HSPG2: variants seen among roughly 807,000 people sequenced by gnomAD.
HSPG2 encodes basement membrane-specific heparan sulfate proteoglycan core protein.
A neutral mutation model predicts 526.6 loss-of-function variants in HSPG2; 278 were observed. The observed-to-expected ratio is 0.53, with a 90% CI of 0.48 to 0.58. HSPG2 has a LOEUF of 0.58. HSPG2 is among the 20% of genes least tolerant of loss of function. The pLI is 0.00. For missense variants in HSPG2, 5,354 were observed against 6,099.5 expected (o/e 0.88, Z 4.07); for synonymous variants, 2,465 against 2,555.4 (o/e 0.96, Z 1.07).
At chr1:21,873,487 C>T in intron 29 of HSPG2, 63 bp from the exon 30 acceptor site, 1 of 1,494,294 alleles carries the variant, frequency 6.7e-7, no homozygotes, top group Non-Finnish European at 9.3e-7. Flanking sequence ...CAGGGCTGGG[C>T]TGAGGGCCCC....
chr1:21,852,360 G>A (rs1156696821), intron 52 of HSPG2, 127 bp from the exon 53 acceptor site: 2 of 1,216,746 alleles, frequency 1.6e-6, no homozygotes, highest in Admixed American at 2.0e-5. Context: ...GCATCTGGGG[G>A]CCTGGACTTG....
At chr1:21,917,189 C>T (rs958163259) in intron 1 of HSPG2, among the ~76,000 whole-genome samples, 39 of 152,072 alleles carry the variant, frequency 2.6e-4, no homozygotes, top group African/African-American at 6.7e-4. Context: ...CCTAGCTCTT[C>T]GGGAGGCTGA....
chr1:21,844,983 C>T (rs868616565), intron 64 of HSPG2, among the ~76,000 whole-genome samples: 18 of 152,324 alleles, frequency 1.2e-4, no homozygotes, highest in Middle Eastern at 3.4e-3. Flanking sequence ...CGCGGTGGCT[C>T]ACGCCTGTAA....
rs371523455 is a variant in HSPG2, at chr1:21,851,668, C to T, written c.7036G>A (p.Glu2346Lys). The change falls in exon 55 of 97, where the codon GAG becomes AAG. Residue 2346 changes from glutamate to lysine, a missense_variant. Glu to Lys is a moderately conservative substitution (Grantham distance 56). Transcript: ENST00000374695. ...TCCGCCACTTGCGAGGAGGAGGGCT[C>T]GATGCGGATGGGCTGGGTGCTGCCG... ...PAGSTQPIRI[E>K]PSSSQVAEGQ... 1.7e-5 allele frequency: 28 copies of T among 1,613,922 alleles called. No homozygotes were observed. Among genetic ancestry groups the T allele is most frequent in the East Asian group, 2.2e-5 (1 of 44,844 alleles).
chr1:21,846,292 G>A (rs377656703), intron 63 of HSPG2, 37 bp from the exon 64 acceptor site: 78 of 1,612,466 alleles, frequency 4.8e-5, no homozygotes, highest in Non-Finnish European at 6.4e-5. Context: ...AGAGTCAGGT[G>A]CCAGTCTGGA....
In HSPG2 at chr1:21,874,901, G is replaced by A. The variant is rs746636903; in HGVS notation, c.3404C>T (p.Pro1135Leu). ...QCSCPPGYRGPSCQDCDTGYT... is the reference protein window; with the variant it reads ...QCSCPPGYRGLSCQDCDTGYT... Reference sequence around the variant, plus strand: ...GGGCCCAGGACTCACCTGGCAGGACGGCCCACGGTACCCGGGTGGGCAGGA... The same window carrying A: ...GGGCCCAGGACTCACCTGGCAGGACAGCCCACGGTACCCGGGTGGGCAGGA... The change falls in exon 26 of 97, where the codon CCG becomes CTG. Residue 1135 changes from proline (P) to leucine (L), a missense_variant. Transcript: ENST00000374695. 2.0e-5 allele frequency: 33 copies of A among 1,611,130 alleles called. No homozygotes were observed. Among genetic ancestry groups the A allele is most frequent in the Admixed American group, 1.7e-4 (10 of 59,822 alleles).
chr1:21,926,020 G>C (rs1644181377), intron 1 of HSPG2, among the ~76,000 whole-genome samples: 1 of 152,012 alleles, frequency 6.6e-6, no homozygotes, highest in Non-Finnish European at 1.5e-5. Context: ...AGTAGAGATG[G>C]GGTTTTACCA....
In HSPG2 at chr1:21,839,829, T is replaced by A. The variant is rs765976580; in HGVS notation, c.9702A>T (p.Ser3234=). ...GCCAGCCCTTGGTCACACCTGTGGC[T>A]GAGCAGCGCAAGGTGGCCGTGTGTC... is the stretch of plus-strand genomic sequence containing the variant. ...EAGHTATLRC[S]ATGSPAPTIH... The change falls in exon 72 of 97, where the codon TCA becomes TCT. Residue 3234 remains serine, a synonymous_variant. Transcript: ENST00000374695. The surrounding 1 kb of genome is among the most constrained non-coding windows in gnomAD (Gnocchi z 4.5). 12 of 1,613,604 alleles carry A rather than the reference T, an allele frequency of 7.4e-6. No individual in the cohort carries two copies. The highest frequency in any genetic ancestry group is 9.3e-6 in the Non-Finnish European group (11 of 1,180,030).
Position 21,864,815 on chromosome 1 carries a change from G to C in HSPG2, c.4626+28C>G, listed in dbSNP as rs777901168. ...TTGCTGATGCCTCTGTGCCTGTGCAGAGGTGGTGGAGCTGGCCACACACTC... is the reference window on the plus strand; with the variant it reads ...TTGCTGATGCCTCTGTGCCTGTGCACAGGTGGTGGAGCTGGCCACACACTC... On this transcript the variant is annotated intron_variant, in intron 36 of 96. Transcript: ENST00000374695. The surrounding 1 kb of genome is among the most constrained non-coding windows in gnomAD (Gnocchi z 4.8). The C allele has an allele frequency of 6.4e-7, 1 of 1,572,650 alleles. No individual in the cohort carries two copies. The highest frequency in any genetic ancestry group is 1.7e-5 in the Admixed American group (1 of 57,972).
Position 21,895,917 on chromosome 1 carries a change from C to T in HSPG2, c.244+5G>A. ...GAGACCTGCAGGAGGCCTGCAGCAA[C>T]TTACCCATCTGGAAGTCCCCGCTGC... On this transcript the variant is annotated splice_donor_5th_base_variant and intron_variant, in intron 3 of 96. Coordinates refer to ENST00000374695, the MANE Select transcript of HSPG2 (RefSeq NM_005529.7). This position sits in a 1 kb window ranked among gnomAD's most constrained non-coding sequence, Gnocchi z 4.1. 1 of 1,614,016 alleles carries T rather than the reference C, an allele frequency of 6.2e-7. No individual in the cohort carries two copies. Among genetic ancestry groups the T allele is most frequent in the Non-Finnish European group, 8.5e-7 (1 of 1,179,926 alleles).
chr1:21,868,989 GT>G, intron 33 of HSPG2: 1 of 304,126 alleles, frequency 3.3e-6, no homozygotes, highest in Non-Finnish European at 4.6e-6. Context: ...AGGGCAGGTG[GT>G]AAGAGCCGAG....
At chr1:21,878,028 C>T (rs893688084) in intron 21 of HSPG2, among the ~76,000 whole-genome samples, 158 bp downstream of exon 21, 6 of 152,256 alleles carry the variant, frequency 3.9e-5, no homozygotes, top group Non-Finnish European at 8.8e-5. Context: ...GGCCACCTGT[C>T]CTGGTACGGA....
At chr1:21,826,026 A>T in intron 91 of HSPG2, among the ~76,000 whole-genome samples, 1 of 151,854 alleles carries the variant, frequency 6.6e-6, no homozygotes, top group East Asian at 1.9e-4. Flanking sequence ...CAGGTGATCC[A>T]CCCACCTTGT....
Position 21,836,862 on chromosome 1 carries a change from C to T in HSPG2, c.10295G>A (p.Arg3432His), listed in dbSNP as rs375978145. ...AVPSDRGTQL[R>H]WFKEGGQLPP... ...CAGCTGACCCCCTTCCTTGAACCAA[C>T]GGAGCTGGGTACCCCGGTCGCTGGG... The change falls in exon 75 of 97, where the codon CGT (arginine) becomes CAT (histidine). Residue 3432 changes from arginine (R) to histidine (H), a missense_variant. Physicochemically the swap from Arg to His is conservative, Grantham distance 29 (BLOSUM62 0). Coordinates refer to ENST00000374695, the MANE Select transcript of HSPG2 (RefSeq NM_005529.7). 15 of 1,581,378 alleles carry T rather than the reference C, an allele frequency of 9.5e-6. No individual in the cohort carries two copies. Among genetic ancestry groups the T allele is most frequent in the Middle Eastern group, 1.7e-4 (1 of 6,028 alleles).
chr1:21,862,072 G>A lies in HSPG2; in HGVS notation c.4784C>T (p.Ala1595Val). 1 of 1,613,976 alleles carries A rather than the reference G, an allele frequency of 6.2e-7. No individual in the cohort carries two copies. ...NAAGEFCELC[A>V]PGYYGDATAG... ...TGTGGCATCTCCGTAGTAGCCAGGG[G>A]CACAAAGCTCGCAGAACTCCCCTGC... The change falls in exon 38 of 97, where the codon GCC (alanine) becomes GTC (valine). Residue 1595 changes from alanine to valine, a missense_variant. Transcript: ENST00000374695.
chr1:21,872,388 A>G lies in HSPG2; in HGVS notation c.4030-11T>C. 6.4e-7 allele frequency: 1 copy of G among 1,557,352 alleles called. No homozygotes were observed. Among genetic ancestry groups the G allele is most frequent in the Non-Finnish European group, 8.7e-7 (1 of 1,148,974 alleles). On this transcript the variant is annotated splice_polypyrimidine_tract_variant and intron_variant, in intron 32 of 96. Transcript: ENST00000374695. The surrounding 1 kb of genome is among the most constrained non-coding windows in gnomAD (Gnocchi z 5.5). ...AAAGTGGGTGGAGATCTGGCAGGGG[A>G]AAAAGGAGGGGGCGTCAGCCTGAGC... is the stretch of plus-strand genomic sequence containing the variant.
At chr1:21,881,617 G>A (rs991820138) in intron 13 of HSPG2, 115 bp from the exon 14 acceptor site, 1 of 1,025,378 alleles carries the variant, frequency 9.8e-7, no homozygotes, top group Non-Finnish European at 1.4e-6. Flanking sequence ...TTGATTTCGA[G>A]AAAACTTTGA....
intron 1 of HSPG2, chr1:21,908,371 C>T (rs1172637556): frequency 9.3e-6 from 10 of 1,072,838 alleles, no homozygotes; most frequent in South Asian, 6.3e-5. Flanking sequence ...AATTAATGTG[C>T]GTATTGAGCA....
chr1:21,845,699 CCCT>C (rs1572203719), intron 64 of HSPG2, among the ~76,000 whole-genome samples: 1 of 152,132 alleles, frequency 6.6e-6, no homozygotes, highest in Admixed American at 6.5e-5. Flanking sequence ...GTGTAAATCA[CCCT>C]CCAATACTCG....
Sources: allele counts gnomAD v4.1 joint callset (sites outside exome capture counted in the v4.1 genomes callset), GRCh38; gene constraint gnomAD v4.1.1; non-coding constraint Gnocchi (gnomAD v3.1); transcripts MANE v1.5; gene names NCBI Gene and HGNC (gene_info 2026-07-23, HGNC 2026-07-21).